Variants in KAZN observed in about 807,000 individuals in gnomAD.
KAZN encodes the protein kazrin.
In KAZN, 40 loss-of-function variants were observed where a neutral mutation model predicts 87.4. The ratio of observed to expected loss-of-function variants is 0.46; its 90% CI spans 0.36 to 0.60. The LOEUF (loss-of-function observed/expected upper bound fraction) is 0.60. Among genes scored for constraint, KAZN ranks in the 20% least tolerant of loss-of-function variants. The pLI is 0.00. For synonymous variants in KAZN, 466 were observed against 458.3 expected, an observed-to-expected ratio of 1.02 and a Z score of -0.22; for missense variants, 898 against 1,073.9, an observed-to-expected ratio of 0.84 and a Z score of 2.29.
In KAZN at chr1:14,769,036, C is replaced by A. The variant is rs1006263549; in HGVS notation, c.226+169813C>A. Among the ~76,000 whole-genome samples the A allele has an allele frequency of 3.9e-5, 6 of 152,198 alleles. No individual in the cohort carries two copies. The highest frequency in any genetic ancestry group is 7.3e-5 in the Non-Finnish European group (5 of 68,046). ...GCTAGTTGACTTTCCGTAAAAGCTTCTGAGTTAATGAGTGAATTAATTACC... is the reference window on the plus strand; with the variant it reads ...GCTAGTTGACTTTCCGTAAAAGCTTATGAGTTAATGAGTGAATTAATTACC... On this transcript the variant is annotated intron_variant, in intron 1 of 14. Transcript: ENST00000376030. The surrounding 1 kb of genome is among the most constrained non-coding windows in gnomAD (Gnocchi z 4.1).
intron 2 of KAZN, among the ~76,000 whole-genome samples, chr1:14,274,120 C>T (rs144690943): frequency 4.6e-5 from 7 of 152,292 alleles, no homozygotes; most frequent in African/African-American, 1.7e-4. Flanking sequence ...TGCCTTTGAA[C>T]ACTGAGAAAG....
At chr1:14,600,006 C>A (rs1052951073) in intron 1 of KAZN, among the ~76,000 whole-genome samples, 4 of 152,112 alleles carry the variant, frequency 2.6e-5, no homozygotes, top group African/African-American at 9.7e-5. Flanking sequence ...GCTCTGAAAC[C>A]CCCTGCAAGA....
In KAZN at chr1:14,184,253, G is replaced by A. The variant is rs1333536242; in HGVS notation, c.249+3661G>A. 2.0e-5 allele frequency among the ~76,000 whole-genome samples: 3 copies of A among 149,272 alleles called. No homozygotes were observed. Among genetic ancestry groups the A allele is most frequent in the Non-Finnish European group, 3.0e-5 (2 of 67,446 alleles). ...CCCTCTGCCCTTTTTCTCCCCACCC[G>A]ACCCAGCATCTCTCCTCCTCCCCTC... On this transcript the variant is annotated intron_variant, in intron 2 of 16. Coordinates refer to the KAZN transcript ENST00000636203. The surrounding 1 kb of genome is among the most constrained non-coding windows in gnomAD (Gnocchi z 4.2).
At chr1:14,018,097 C>T (rs561833671) in intron 1 of KAZN, among the ~76,000 whole-genome samples, 131 of 152,272 alleles carry the variant, frequency 8.6e-4, no homozygotes, top group South Asian at 1.7e-3. Context: ...AGACTAAGTT[C>T]GCATTGATCA....
chr1:14,513,668 T>G (rs56289311), intron 2 of KAZN, among the ~76,000 whole-genome samples: 1 of 152,176 alleles, frequency 6.6e-6, no homozygotes, highest in South Asian at 2.1e-4. Flanking sequence ...ACAGACTAGA[T>G]GTTGAAAACA....
intron 1 of KAZN, among the ~76,000 whole-genome samples, chr1:14,010,816 G>T (rs1430497608): frequency 6.6e-6 from 1 of 152,186 alleles, no homozygotes; most frequent in Non-Finnish European, 1.5e-5. Flanking sequence ...GGAAAACCCT[G>T]TTCCTCAGGT....
At chr1:14,307,172 A>T (rs545117507) in intron 2 of KAZN, among the ~76,000 whole-genome samples, 2 of 152,202 alleles carry the variant, frequency 1.3e-5, no homozygotes, top group Non-Finnish European at 2.9e-5. Context: ...CTGCCTGATC[A>T]CCTGTTGAAA....
rs1350382032 is a variant in KAZN, at chr1:15,077,194, A to G, written c.1222+11441A>G. 2.6e-5 allele frequency among the ~76,000 whole-genome samples: 4 copies of G among 151,772 alleles called. No homozygotes were observed. Among genetic ancestry groups the G allele is most frequent in the Non-Finnish European group, 2.9e-5 (2 of 67,950 alleles). ...TTAATTTAGTGTCCATTGGGGGAAA[A>G]TTTCCAAGGCCCTAATTTGTCTCAG... On this transcript the variant is annotated intron_variant, in intron 8 of 14. Coordinates refer to ENST00000376030, the MANE Select transcript of KAZN (RefSeq NM_201628.3). This position sits in a 1 kb window ranked among gnomAD's most constrained non-coding sequence, Gnocchi z 4.8.
intron 1 of KAZN, among the ~76,000 whole-genome samples, chr1:13,981,263 T>C (rs1390066674): frequency 1.4e-5 from 2 of 147,558 alleles, no homozygotes; most frequent in African/African-American, 4.9e-5. Flanking sequence ...TTTAAAATAT[T>C]AAATTATAAT....
At chr1:14,825,643 G>A (rs1184537539) in intron 1 of KAZN, among the ~76,000 whole-genome samples, 1 of 152,168 alleles carries the variant, frequency 6.6e-6, no homozygotes, top group East Asian at 1.9e-4. Flanking sequence ...CACATATCTA[G>A]TAAGGGACCA....
chr1:13,899,401 T>C (rs1025316659), intron 1 of KAZN, among the ~76,000 whole-genome samples: 1 of 152,210 alleles, frequency 6.6e-6, no homozygotes, highest in Non-Finnish European at 1.5e-5. Context: ...GCCATCTGGA[T>C]CTGAAGTCCC....
At chr1:14,652,052 C>T (rs749428342) in intron 1 of KAZN, among the ~76,000 whole-genome samples, 1 of 152,220 alleles carries the variant, frequency 6.6e-6, no homozygotes, top group Admixed American at 6.5e-5. Flanking sequence ...GAAATGAGGT[C>T]TGTACAGGGC....
intron 1 of KAZN, among the ~76,000 whole-genome samples, chr1:14,093,583 G>A (rs1032286371): frequency 6.6e-6 from 1 of 152,034 alleles, no homozygotes; most frequent in African/African-American, 2.4e-5. Flanking sequence ...TCCAAGAAAA[G>A]CCCTGAGACA....
At chr1:14,730,267 G>A (rs10737901) in intron 1 of KAZN, among the ~76,000 whole-genome samples, 105,032 of 151,644 alleles carry the variant, frequency 0.69, 36,823 homozygotes, top group African/African-American at 0.8. Context: ...TATGTTTAGT[G>A]GAGACAGGGT....
chr1:14,511,878 C>T (rs1670924646), intron 2 of KAZN, among the ~76,000 whole-genome samples: 1 of 152,142 alleles, frequency 6.6e-6, no homozygotes, highest in Admixed American at 6.6e-5. Flanking sequence ...CTGCATTCAA[C>T]ATAAATAAAC....
At chr1:15,001,405 G>A (rs537801492) in intron 2 of KAZN, among the ~76,000 whole-genome samples, 1 of 151,808 alleles carries the variant, frequency 6.6e-6, no homozygotes, top group East Asian at 1.9e-4. Flanking sequence ...GGCGGAGGTT[G>A]CAGTGAGCCC....
chr1:15,039,026 T>A (rs1217568466), intron 3 of KAZN, among the ~76,000 whole-genome samples: 1 of 148,870 alleles, frequency 6.7e-6, no homozygotes. Context: ...GTAGCAGATG[T>A]TTATTGTGCA....
intron 8 of KAZN, among the ~76,000 whole-genome samples, chr1:15,088,642 A>G (rs1413938276): frequency 6.6e-6 from 1 of 152,198 alleles, no homozygotes; most frequent in East Asian, 1.9e-4. Flanking sequence ...GAATCCGGAC[A>G]TAAAATCTGG....
intron 1 of KAZN, among the ~76,000 whole-genome samples, chr1:14,612,345 A>G (rs1035741437): frequency 5.9e-5 from 9 of 152,172 alleles, no homozygotes; most frequent in Non-Finnish European, 1.2e-4. Flanking sequence ...TGCCTTCATC[A>G]CTGACTTCAA....
Sources: allele counts gnomAD v4.1 joint callset (sites outside exome capture counted in the v4.1 genomes callset), GRCh38; gene constraint gnomAD v4.1.1; non-coding constraint Gnocchi (gnomAD v3.1); transcripts MANE v1.5; gene names NCBI Gene and HGNC (gene_info 2026-07-23, HGNC 2026-07-21).